Variants in GPC6 observed in about 807,000 individuals in gnomAD.
GPC6 encodes glypican 6.
A neutral mutation model predicts 55.2 loss-of-function variants in GPC6; 14 were observed. The observed-to-expected ratio is 0.25, with a 90% CI of 0.17 to 0.40. The LOEUF is 0.40. Ranked by LOEUF, GPC6 falls within the 10% of genes least tolerant of loss-of-function variation. The pLI is 1.00. For synonymous variants in GPC6, 278 were observed against 259.6 expected (o/e 1.07, Z -0.68); for missense variants, 641 against 708.5 (o/e 0.90, Z 1.08).
intron 2 of GPC6, among the ~76,000 whole-genome samples, chr13:93,688,823 A>C (rs527512271): frequency 6.6e-6 from 1 of 152,098 alleles, no homozygotes; most frequent in Non-Finnish European, 1.5e-5. Context: ...GGGAAGATGA[A>C]TAAGTTCTAG....
chr13:94,101,193 C>T (rs1885843350), intron 4 of GPC6, among the ~76,000 whole-genome samples: 1 of 152,232 alleles, frequency 6.6e-6, no homozygotes, highest in Non-Finnish European at 1.5e-5. Context: ...TATTTGTTCT[C>T]AGTTCAAGGT....
At chr13:93,831,595 C>T (rs1566558168) in intron 3 of GPC6, among the ~76,000 whole-genome samples, 1 of 151,050 alleles carries the variant, frequency 6.6e-6, no homozygotes, top group Non-Finnish European at 1.5e-5. Context: ...TCAATATTTA[C>T]ATCCTAGCAT....
At chr13:93,523,404 T>C (rs1266675876) in intron 1 of GPC6, among the ~76,000 whole-genome samples, 1 of 151,150 alleles carries the variant, frequency 6.6e-6, no homozygotes, top group African/African-American at 2.4e-5. Flanking sequence ...TATATCCTCT[T>C]TTAAATATTA....
chr13:94,262,669 T>C (rs1891688160), intron 4 of GPC6, among the ~76,000 whole-genome samples: 1 of 130,138 alleles, frequency 7.7e-6, no homozygotes, highest in African/African-American at 2.9e-5. Flanking sequence ...TGAGACTCCG[T>C]CTCAGAAAAA....
intron 3 of GPC6, among the ~76,000 whole-genome samples, chr13:93,903,096 C>T (rs550435655): frequency 1.3e-4 from 20 of 152,102 alleles, no homozygotes; most frequent in African/African-American, 2.7e-4. Flanking sequence ...AAATATAAGA[C>T]GTGAAACAAT....
At chr13:93,593,248 T>A (rs1220861075) in intron 2 of GPC6, among the ~76,000 whole-genome samples, 1 of 152,282 alleles carries the variant, frequency 6.6e-6, no homozygotes, top group Non-Finnish European at 1.5e-5. Context: ...ATTTTGTATT[T>A]TGTATTTTTA....
intron 2 of GPC6, among the ~76,000 whole-genome samples, chr13:93,763,335 C>G (rs1885011950): frequency 6.6e-6 from 1 of 152,188 alleles, no homozygotes; most frequent in Non-Finnish European, 1.5e-5. Context: ...ACAATTTCAT[C>G]AATCATACAT....
chr13:93,454,199 AG>A (rs1235714703), intron 1 of GPC6, among the ~76,000 whole-genome samples: 6 of 150,070 alleles, frequency 4.0e-5, no homozygotes, highest in Non-Finnish European at 8.9e-5. Flanking sequence ...AGCTAGATAC[AG>A]AGTGCCAATT....
Position 93,259,772 on chromosome 13 carries a change from T to A in GPC6, c.160+32156T>A, listed in dbSNP as rs146713868. Among the ~76,000 whole-genome samples the A allele has an allele frequency of 6.7e-4, 102 of 152,194 alleles. No individual in the cohort carries two copies. In the East Asian group the frequency reaches 0.014, roughly 21 times the overall value. The stretch of plus-strand genomic sequence containing the variant: ...TAGGAGTATAAAATGGATAAGCTGA[T>A]TGTTTCCCCATTTAATGATTTTTTT... On this transcript the variant is annotated intron_variant, in intron 1 of 8. Coordinates refer to ENST00000377047, the MANE Select transcript of GPC6 (RefSeq NM_005708.5).
intron 3 of GPC6, among the ~76,000 whole-genome samples, chr13:94,008,389 A>G (rs1341681940): frequency 6.6e-6 from 1 of 152,192 alleles, no homozygotes; most frequent in African/African-American, 2.4e-5. Context: ...AAGTTTAAAT[A>G]GATGCCAGTA....
chr13:93,792,125 C>T (rs1350923155), intron 2 of GPC6, among the ~76,000 whole-genome samples: 1 of 152,256 alleles, frequency 6.6e-6, no homozygotes, highest in African/African-American at 2.4e-5. Flanking sequence ...ATTGAACCTG[C>T]TTCCTCTTTC....
chr13:93,629,130 G>A (rs1002736092), intron 2 of GPC6, among the ~76,000 whole-genome samples: 1 of 151,854 alleles, frequency 6.6e-6, no homozygotes, highest in Non-Finnish European at 1.5e-5. Flanking sequence ...AGGCCAGTTA[G>A]ACAGTCTCTG....
chr13:93,359,684 T>C (rs910687466), intron 1 of GPC6, among the ~76,000 whole-genome samples: 44 of 152,294 alleles, frequency 2.9e-4, no homozygotes, highest in African/African-American at 1.0e-3. Flanking sequence ...TTCAAAATGG[T>C]ACTGCTAATG....
chr13:93,580,411 C>A (rs1049943330), intron 2 of GPC6, among the ~76,000 whole-genome samples: 8 of 152,168 alleles, frequency 5.3e-5, no homozygotes, highest in Non-Finnish European at 8.8e-5. Context: ...TATTTAAAAA[C>A]CTTTTATCAC....
At chr13:93,403,247 G>T (rs186870337) in intron 1 of GPC6, among the ~76,000 whole-genome samples, 1 of 152,230 alleles carries the variant, frequency 6.6e-6, no homozygotes, top group East Asian at 1.9e-4. Context: ...AAGGTTTTAG[G>T]TTCTGATTTA....
chr13:93,541,186 C>A, intron 1 of GPC6, among the ~76,000 whole-genome samples: 1 of 123,818 alleles, frequency 8.1e-6, no homozygotes, highest in Non-Finnish European at 1.6e-5. Flanking sequence ...TCCCCCCACC[C>A]CACAACAGTC....
At chr13:93,453,566 T>TTTTTTTTTTTTTTTTTTTTTTTTTGAG in intron 1 of GPC6, among the ~76,000 whole-genome samples, 1 of 148,744 alleles carries the variant, frequency 6.7e-6, no homozygotes, top group Non-Finnish European at 1.5e-5. Flanking sequence ...TTACAACTCT[T>TTTTTTTTTTTTTTTTTTTTTTTTTGAG]AAGGTGGCAC....
At chr13:94,218,069 C>G (rs1259154455) in intron 4 of GPC6, among the ~76,000 whole-genome samples, 2 of 152,136 alleles carry the variant, frequency 1.3e-5, no homozygotes, top group Non-Finnish European at 2.9e-5. Flanking sequence ...GATTTGTATT[C>G]TATCAGAGAA....
rs542080078 is a variant in GPC6 at position 93,981,046 on chromosome 13, A to T, written c.712-46683A>T. ...CTCAAATATTTTGTCCTCTGGCTTG[A>T]TTCAAATTCAGAATAATATTTAATT... is the stretch of plus-strand genomic sequence containing the variant. On this transcript the variant is annotated intron_variant, in intron 3 of 8. Coordinates refer to ENST00000377047, the MANE Select transcript of GPC6 (RefSeq NM_005708.5). 3.9e-5 allele frequency among the ~76,000 whole-genome samples: 6 copies of T among 152,310 alleles called. No individual in the cohort carries two copies. In the South Asian group the frequency reaches 1.2e-3, roughly 32 times the overall value.
Sources: allele counts gnomAD v4.1 joint callset (sites outside exome capture counted in the v4.1 genomes callset), GRCh38; gene constraint gnomAD v4.1.1; transcripts MANE v1.5; gene names NCBI Gene and HGNC (gene_info 2026-07-23, HGNC 2026-07-21).